TMUB2: variants seen among roughly 807,000 people sequenced by gnomAD.
TMUB2 encodes transmembrane and ubiquitin like domain containing 2.
In TMUB2, 19 loss-of-function variants were observed where a neutral mutation model predicts 20.2. The ratio of observed to expected loss-of-function variants is 0.94; its 90% confidence interval spans 0.66 to 1.38. TMUB2 has a LOEUF of 1.38. Ranked by LOEUF, TMUB2 falls within the 40% of genes most tolerant of loss-of-function variation. TMUB2 has a pLI of 0.00. For missense variants in TMUB2, 426 were observed against 402.5 expected (o/e 1.06, Z -0.50); for synonymous variants, 186 against 166.0 (o/e 1.12, Z -0.92).
chr17:44,189,095 ATGG>A lies in TMUB2; in HGVS notation c.116_118del (p.Val39del), dbSNP rs2054938693. 4 of 1,613,832 alleles carry A rather than the reference ATGG, an allele frequency of 2.5e-6. No individual in the cohort carries two copies. Among genetic ancestry groups the A allele is most frequent in the African/African-American group, 2.7e-5 (2 of 74,840 alleles). The stretch of plus-strand genomic sequence containing the variant: ...CATTGAGGGTGTGGGTAATGAGGTG[ATGG>A]TGGTGGCAGGTGTGGTGGTGCTGAT... On this transcript the variant is annotated inframe_deletion, in exon 3 of 4. Coordinates refer to ENST00000538716, the MANE Select transcript of TMUB2 (RefSeq NM_001076674.3).
At position 44,191,323 on chromosome 17, in the gene TMUB2, G is replaced by A; in HGVS notation, c.*459G>A. 1.0e-6 allele frequency: 1 copy of A among 990,196 alleles called. No homozygotes were observed. The highest frequency in any genetic ancestry group is 1.2e-6 in the Non-Finnish European group (1 of 832,628). 61.3% of individuals were successfully genotyped at this position (990,196 alleles called of 1,614,324 possible). On this transcript the variant is annotated 3_prime_UTR_variant, in exon 4 of 4. Transcript: ENST00000538716. Reference sequence around the variant, plus strand: ...TCTCAGCCAAATACTCATCTTTTGAGACTGAAATCACACTGGCGGGAATGA... The same window carrying A: ...TCTCAGCCAAATACTCATCTTTTGAAACTGAAATCACACTGGCGGGAATGA...
chr17:44,187,587 G>C, intron 1 of TMUB2, 89 bp from the exon 2 acceptor site: 1 of 684,214 alleles, frequency 1.5e-6, no homozygotes, highest in Non-Finnish European at 2.7e-6. Flanking sequence ...TGTAAATCAT[G>C]GTTAATAACA....
chr17:44,190,793 C>T lies in TMUB2; in HGVS notation c.895C>T (p.Pro299Ser), dbSNP rs568949798. The stretch of plus-strand genomic sequence containing the variant: ...CAATTACCGCCAATTCTTCACAGCA[C>T]CTGCCACTGTCTCCCTGGTGGGAGT... ...RINYRQFFTAPATVSLVGVTV... is the reference protein window; with the variant it reads ...RINYRQFFTASATVSLVGVTV... Residue 299 changes from proline (P) to serine (S), a missense_variant, in exon 4 of 4, where the codon CCT becomes TCT. Coordinates refer to ENST00000538716, the MANE Select transcript of TMUB2 (RefSeq NM_001076674.3). 13 of 1,614,230 alleles carry T rather than the reference C, an allele frequency of 8.1e-6. No individual in the cohort carries two copies. Among genetic ancestry groups the T allele is most frequent in the Admixed American group, 1.7e-5 (1 of 60,032 alleles).
chr17:44,188,762 C>T, intron 2 of TMUB2: 1 of 442,032 alleles, frequency 2.3e-6, no homozygotes, highest in Non-Finnish European at 3.9e-6. Context: ...TGCTGATCCA[C>T]ACTCATTGGG....
At chr17:44,188,931 T>TC (rs2054905926) in intron 2 of TMUB2, 91 bp from the exon 3 acceptor site, 3 of 1,445,496 alleles carry the variant, frequency 2.1e-6, no homozygotes, top group Non-Finnish European at 1.8e-6. Flanking sequence ...TTTTTTTTTT[T>TC]CAGGGCTGGG....
In TMUB2 at chr17:44,190,602, A is replaced by C; in HGVS notation, c.704A>C (p.Asn235Thr). The C allele has an allele frequency of 6.2e-7, 1 of 1,614,088 alleles. No homozygotes were observed. Among genetic ancestry groups the C allele is most frequent in the South Asian group, 1.1e-5 (1 of 91,086 alleles). ...RTLRSLNITD[N>T]CVIHCHRSPP... ...CTGCGTTCTCTGAACATTACCGACAACTGTGTGATTCACTGCCACCGCTCA... is the reference window on the plus strand; with the variant it reads ...CTGCGTTCTCTGAACATTACCGACACCTGTGTGATTCACTGCCACCGCTCA... Residue 235 changes from asparagine to threonine, a missense_variant, in exon 4 of 4, where the codon AAC becomes ACC. Coordinates refer to ENST00000538716, the MANE Select transcript of TMUB2 (RefSeq NM_001076674.3).
Position 44,189,515 on chromosome 17 carries a change from C to T in TMUB2, c.529C>T (p.Arg177Trp), listed in dbSNP as rs775270743. Reference sequence around the variant, plus strand: ...TCCCAGCCCTGGCCTCATCACTGTGCGGCTCAAATTCCTCAATGATACCGA... The same window carrying T: ...TCCCAGCCCTGGCCTCATCACTGTGTGGCTCAAATTCCTCAATGATACCGA... ...LPPSPGLITV[R>W]LKFLNDTEEL... The change falls in exon 3 of 4, where the codon CGG (arginine) becomes TGG (tryptophan). Residue 177 changes from arginine (R) to tryptophan (W), a missense_variant. Physicochemically the swap from Arg to Trp is moderately radical, Grantham distance 101. Transcript: ENST00000538716. The T allele has an allele frequency of 8.7e-6, 14 of 1,613,546 alleles. No individual in the cohort carries two copies. The highest frequency in any genetic ancestry group is 1.3e-5 in the African/African-American group (1 of 74,870).
chr17:44,191,548 C>T lies in TMUB2; in HGVS notation c.*684C>T, dbSNP rs1218003757. ...GCCCCCAGCATTGGGAGCGGCCAGG[C>T]CACAGCTGCTGCTCCCGTAGTCCTC... On this transcript the variant is annotated 3_prime_UTR_variant, in exon 4 of 4. Coordinates refer to ENST00000538716, the MANE Select transcript of TMUB2 (RefSeq NM_001076674.3). 1.4e-5 allele frequency: 14 copies of T among 986,076 alleles called. No homozygotes were observed. The highest frequency in any genetic ancestry group is 1.6e-5 in the Non-Finnish European group (13 of 830,120). The allele number at this position is 986,076 out of a possible 1,614,324, so 61.1% of individuals were successfully genotyped here.
intron 1 of TMUB2, 83 bp from the exon 2 acceptor site, chr17:44,187,593 T>C: frequency 1.5e-6 from 1 of 688,596 alleles, no homozygotes; most frequent in South Asian, 1.5e-5. Flanking sequence ...TCATGGTTAA[T>C]AACATTAACC....
At chr17:44,187,885 AG>A in intron 2 of TMUB2, 142 bp downstream of exon 2, 2 of 677,472 alleles carry the variant, frequency 3.0e-6, no homozygotes, top group South Asian at 3.2e-5. Flanking sequence ...ATATTAAATA[AG>A]GATGTTGATG....
Position 44,191,255 on chromosome 17 carries a change from G to A in TMUB2, c.*391G>A. Reference sequence around the variant, plus strand: ...CTGCCTGCAAGGGCAGCTCAGCATGGCCCCAGCACAACTCCGTAGGGAGCC... The same window carrying A: ...CTGCCTGCAAGGGCAGCTCAGCATGACCCCAGCACAACTCCGTAGGGAGCC... On this transcript the variant is annotated 3_prime_UTR_variant, in exon 4 of 4. Transcript: ENST00000538716. 3 of 1,019,854 alleles carry A rather than the reference G, an allele frequency of 2.9e-6. No homozygotes were observed. Among genetic ancestry groups the A allele is most frequent in the South Asian group, 7.8e-5 (2 of 25,516 alleles). The allele number at this position is 1,019,854 out of a possible 1,614,324, so 63.2% of individuals were successfully genotyped here.
rs774238571 is a variant in TMUB2, at chr17:44,190,705, T to C, written c.807T>C (p.Asn269=). 8.7e-6 allele frequency: 14 copies of C among 1,614,176 alleles called. No individual in the cohort carries two copies. In the South Asian group the frequency reaches 1.4e-4, roughly 16 times the overall value. The change falls in exon 4 of 4, where the codon AAT becomes AAC. Residue 269 remains asparagine (N), a synonymous_variant. Coordinates refer to ENST00000538716, the MANE Select transcript of TMUB2 (RefSeq NM_001076674.3). ...CTGAGCCACCCAGCCTTGGTGTCAA[T>C]GTGGGCAGCCTCATGGTGCCTGTCT... ...SATEPPSLGV[N]VGSLMVPVFV... is the part of the protein sequence containing the mutation.
Position 44,189,868 on chromosome 17 carries a change from G to A in TMUB2, c.602+280G>A, listed in dbSNP as rs552610675. ...TCTACTAAACATACAAAAATCAGCC[G>A]GGCGTGGTGGCGCACGCCTGCAATC... On this transcript the variant is annotated intron_variant, in intron 3 of 3. Coordinates refer to ENST00000538716, the MANE Select transcript of TMUB2 (RefSeq NM_001076674.3). The A allele has an allele frequency of 7.0e-5, 18 of 257,066 alleles. No individual in the cohort carries two copies. In the South Asian group the frequency reaches 8.8e-4, roughly 13 times the overall value. 15.9% of individuals were successfully genotyped at this position (257,066 alleles called of 1,614,324 possible). A position where few individuals can be genotyped will look rare whatever the true frequency, so the allele number is the denominator to read the frequency against.
rs1598180123 is a variant in TMUB2 at position 44,190,752 on chromosome 17, T to G, written c.854T>G (p.Val285Gly). ...GTCTTTGTGGTGCTGTTGGGTGTGG[T>G]CTGGTACTTCCGAATCAATTACCGC... ...VPVFVVLLGV[V>G]WYFRINYRQF... The change falls in exon 4 of 4, where the codon GTC becomes GGC. Residue 285 changes from valine to glycine, a missense_variant. By Grantham distance (109) the Val-to-Gly change is moderately radical. Transcript: ENST00000538716. The G allele has an allele frequency of 6.2e-7, 1 of 1,614,224 alleles. No individual in the cohort carries two copies. Among genetic ancestry groups the G allele is most frequent in the Non-Finnish European group, 8.5e-7 (1 of 1,180,040 alleles).
chr17:44,190,595 A>G lies in TMUB2; in HGVS notation c.697A>G (p.Thr233Ala). Residue 233 changes from threonine (T) to alanine (A), a missense_variant, in exon 4 of 4, where the codon ACC (threonine) becomes GCC (alanine). Thr to Ala is a moderately conservative substitution (Grantham distance 58). Transcript: ENST00000538716. Reference sequence around the variant, plus strand: ...CCGCACACTGCGTTCTCTGAACATTACCGACAACTGTGTGATTCACTGCCA... The same window carrying G: ...CCGCACACTGCGTTCTCTGAACATTGCCGACAACTGTGTGATTCACTGCCA... ...PARTLRSLNITDNCVIHCHRS... is the reference protein window; with the variant it reads ...PARTLRSLNIADNCVIHCHRS... 6.2e-7 allele frequency: 1 copy of G among 1,614,166 alleles called. No individual in the cohort carries two copies. Among genetic ancestry groups the G allele is most frequent in the South Asian group, 1.1e-5 (1 of 91,082 alleles).
Position 44,189,180 on chromosome 17 carries a change from A to G in TMUB2, c.194A>G (p.Gln65Arg). ...TACGTAGCAGACAGCGGTAGCAACC[A>G]GCTCCTGGGCGCTATTGTGTCAGCA... Reference protein sequence around the residue: ...STYVADSGSNQLLGAIVSAGD... With the variant: ...STYVADSGSNRLLGAIVSAGD... The change falls in exon 3 of 4, where the codon CAG becomes CGG. Residue 65 changes from glutamine (Q) to arginine (R), a missense_variant. Physicochemically the swap from Gln to Arg is conservative, Grantham distance 43. Coordinates refer to ENST00000538716, the MANE Select transcript of TMUB2 (RefSeq NM_001076674.3). 1 of 1,614,158 alleles carries G rather than the reference A, an allele frequency of 6.2e-7. No individual in the cohort carries two copies. The highest frequency in any genetic ancestry group is 2.2e-5 in the East Asian group (1 of 44,888).
Position 44,191,130 on chromosome 17 carries a change from G to A in TMUB2, c.*266G>A. On this transcript the variant is annotated 3_prime_UTR_variant, in exon 4 of 4. Coordinates refer to ENST00000538716, the MANE Select transcript of TMUB2 (RefSeq NM_001076674.3). Reference sequence around the variant, plus strand: ...GGGTCCTCTGAAGGAGTTCAAAGCTGCTGGCCAAGCTCAGTGGGGAGCCTG... The same window carrying A: ...GGGTCCTCTGAAGGAGTTCAAAGCTACTGGCCAAGCTCAGTGGGGAGCCTG... 1 of 1,186,810 alleles carries A rather than the reference G, an allele frequency of 8.4e-7. No individual in the cohort carries two copies. Among genetic ancestry groups the A allele is most frequent in the South Asian group, 2.2e-5 (1 of 45,880 alleles). The allele number at this position is 1,186,810 out of a possible 1,614,324, so 73.5% of individuals were successfully genotyped here.
At chr17:44,187,864 C>T (rs2054696743) in intron 2 of TMUB2, 121 bp downstream of exon 2, 1 of 693,094 alleles carries the variant, frequency 1.4e-6, no homozygotes, top group African/African-American at 1.8e-5. Context: ...TTTTCTAACT[C>T]CAGGGCCGGT....
chr17:44,189,797 G>C, intron 3 of TMUB2: 1 of 489,888 alleles, frequency 2.0e-6, no homozygotes, highest in Non-Finnish European at 3.6e-6. Flanking sequence ...TGCATCACGA[G>C]GTTAGGAGTT....
Sources: allele counts gnomAD v4.1 joint callset, GRCh38; gene constraint gnomAD v4.1.1; transcripts MANE v1.5; gene names NCBI Gene and HGNC (gene_info 2026-07-23, HGNC 2026-07-21).